The following ITGA11 variants were observed in gnomAD, a reference collection of about 807,000 sequenced individuals.
The protein encoded by ITGA11 is integrin alpha-11.
Under a neutral mutation model 141.9 loss-of-function variants are expected in ITGA11, and 97 were observed. The observed-to-expected ratio is 0.68, with a 90% confidence interval of 0.58 to 0.81. The LOEUF (loss-of-function observed/expected upper bound fraction) is 0.81. ITGA11 is among the 30% of genes least tolerant of loss of function. ITGA11 has a pLI of 0.00. For synonymous variants in ITGA11, 658 were observed against 624.6 expected (o/e 1.05, Z -0.80); for missense variants, 1,387 against 1,559.2 (o/e 0.89, Z 1.86).
chr15:68,403,032 G>A lies in ITGA11; in HGVS notation c.53-3C>T, dbSNP rs1162951804. ...CATGTTGAAGGTGTCCGTGAACCCT[G>A]AGGCAGGGGGAGAGGAGAGGAGAAG... On this transcript the variant is annotated splice_polypyrimidine_tract_variant and splice_region_variant and intron_variant, in intron 1 of 29. Coordinates refer to ENST00000315757, the MANE Select transcript of ITGA11 (RefSeq NM_001004439.2). 4 of 1,599,568 alleles carry A rather than the reference G, an allele frequency of 2.5e-6. No homozygotes were observed. The East Asian group carries it at 8.9e-5, about 36-fold the overall frequency.
intron 2 of ITGA11, among the ~76,000 whole-genome samples, chr15:68,385,204 G>A (rs1258655915): frequency 6.6e-6 from 1 of 152,260 alleles, no homozygotes; most frequent in Non-Finnish European, 1.5e-5. Context: ...AGCCAAGCTG[G>A]GAAGGGAGCT....
At position 68,305,256 on chromosome 15, in the gene ITGA11, C is replaced by T. The variant is rs1400776378; in HGVS notation, c.3382-1371G>A. Among the ~76,000 whole-genome samples, 1 of 152,232 alleles carries T rather than the reference C, an allele frequency of 6.6e-6. No homozygotes were observed. Among genetic ancestry groups the T allele is most frequent in the Non-Finnish European group, 1.5e-5 (1 of 68,042 alleles). On this transcript the variant is annotated intron_variant, in intron 28 of 29. Coordinates refer to ENST00000315757, the MANE Select transcript of ITGA11 (RefSeq NM_001004439.2). The surrounding 1 kb of genome is among the most constrained non-coding windows in gnomAD (Gnocchi z 4.6). Reference sequence around the variant, plus strand: ...CGCAGCCACGAGACACTCCTGTCTTCCTCATGGTCTCTGTCTGATGTCACT... The same window carrying T: ...CGCAGCCACGAGACACTCCTGTCTTTCTCATGGTCTCTGTCTGATGTCACT...
Position 68,312,802 on chromosome 15 carries a change from T to A in ITGA11, c.2944A>T (p.Ile982Phe). The A allele has an allele frequency of 6.2e-7, 1 of 1,613,682 alleles. No individual in the cohort carries two copies. Among genetic ancestry groups the A allele is most frequent in the Non-Finnish European group, 8.5e-7 (1 of 1,179,678 alleles). ...PNSSLERYDG[I>F]GPPFSCIFRI... Reference sequence around the variant, plus strand: ...AAGATGCAGCTGAAGGGAGGCCCGATACCATCGTATCTCTCCAGCGAGCTG... The same window carrying A: ...AAGATGCAGCTGAAGGGAGGCCCGAAACCATCGTATCTCTCCAGCGAGCTG... Residue 982 changes from isoleucine (I) to phenylalanine (F), a missense_variant, in exon 24 of 30, where the codon ATC becomes TTC. Physicochemically the swap from Ile to Phe is conservative, Grantham distance 21. Coordinates refer to ENST00000315757, the MANE Select transcript of ITGA11 (RefSeq NM_001004439.2).
In ITGA11 at chr15:68,322,857, CAAAAAAAA is replaced by C. The variant is rs35071996; in HGVS notation, c.2323-1362_2323-1355del. 2.2e-5 allele frequency among the ~76,000 whole-genome samples: 3 copies of C among 134,638 alleles called. No homozygotes were observed. Among genetic ancestry groups the C allele is most frequent in the Admixed American group, 1.4e-4 (2 of 13,826 alleles). The allele number at this position is 134,638 out of a possible 152,430, so 88.3% of individuals were successfully genotyped here. A position where few individuals can be genotyped will look rare whatever the true frequency, so the allele number is the denominator to read the frequency against. On this transcript the variant is annotated intron_variant, in intron 18 of 29. Coordinates refer to ENST00000315757, the MANE Select transcript of ITGA11 (RefSeq NM_001004439.2). The surrounding 1 kb of genome is among the most constrained non-coding windows in gnomAD (Gnocchi z 5.6). ...TGGGTGACAGAGGGAGATACCATTTCAAAAAAAAAAAAAAAGAAAGTAGGGGTTAAGTG... is the reference window on the plus strand; with the variant it reads ...TGGGTGACAGAGGGAGATACCATTTCAAAAAAAGAAAGTAGGGGTTAAGTG...
chr15:68,326,592 T>A lies in ITGA11; in HGVS notation c.2211+62A>T. The A allele has an allele frequency of 1.3e-6, 2 of 1,503,336 alleles. No individual in the cohort carries two copies. The highest frequency in any genetic ancestry group is 1.8e-6 in the Non-Finnish European group (2 of 1,117,498). The allele number at this position is 1,503,336 out of a possible 1,614,324, so 93.1% of individuals were successfully genotyped here. Reference sequence around the variant, plus strand: ...ACCAGCCAGGCAGACTCTCTGCCTCTCCCACGGCAGATGCTCCTTCCTATA... The same window carrying A: ...ACCAGCCAGGCAGACTCTCTGCCTCACCCACGGCAGATGCTCCTTCCTATA... On this transcript the variant is annotated intron_variant, in intron 17 of 29. Transcript: ENST00000315757. This position sits in a 1 kb window ranked among gnomAD's most constrained non-coding sequence, Gnocchi z 6.8.
Position 68,320,402 on chromosome 15 carries a change from A to G in ITGA11, c.2409-10T>C. On this transcript the variant is annotated splice_polypyrimidine_tract_variant and intron_variant, in intron 19 of 29. Coordinates refer to ENST00000315757, the MANE Select transcript of ITGA11 (RefSeq NM_001004439.2). Reference sequence around the variant, plus strand: ...CCTCTGGCAGTACTCCCTGAGAACAAGAGACCACCAGAGACTGGGCAGATG... The same window carrying G: ...CCTCTGGCAGTACTCCCTGAGAACAGGAGACCACCAGAGACTGGGCAGATG... 8 of 1,564,216 alleles carry G rather than the reference A, an allele frequency of 5.1e-6. No homozygotes were observed. The highest frequency in any genetic ancestry group is 1.2e-5 in the South Asian group (1 of 85,508).
chr15:68,331,030 C>T lies in ITGA11; in HGVS notation c.1852G>A (p.Gly618Arg), dbSNP rs774043619. ...GCTCCCACTGCCAGGTCGATGAGCC[C>T]ATCCTCATTGAGGTCCAATTGCCCG... ...IHGQLDLNED[G>R]LIDLAVGALG... is the part of the protein sequence containing the mutation. The change falls in exon 15 of 30, where the codon GGG (glycine) becomes AGG (arginine). Residue 618 changes from glycine to arginine, a missense_variant. Physicochemically the swap from Gly to Arg is moderately radical, Grantham distance 125. Transcript: ENST00000315757. 2 of 1,613,464 alleles carry T rather than the reference C, an allele frequency of 1.2e-6. No homozygotes were observed. The highest frequency in any genetic ancestry group is 1.7e-6 in the Non-Finnish European group (2 of 1,179,708).
At chr15:68,337,344 G>A (rs1458173925) in intron 11 of ITGA11, among the ~76,000 whole-genome samples, 1 of 152,144 alleles carries the variant, frequency 6.6e-6, no homozygotes, top group Non-Finnish European at 1.5e-5. Flanking sequence ...CCTGATGAAA[G>A]GGTAGGACCA....
At chr15:68,425,570 A>G (rs1897122777) in intron 1 of ITGA11, among the ~76,000 whole-genome samples, 1 of 152,188 alleles carries the variant, frequency 6.6e-6, no homozygotes. Flanking sequence ...GAGGTGGGGC[A>G]AGGGCTTCAG....
At chr15:68,344,046 C>T (rs1595868971) in intron 10 of ITGA11, among the ~76,000 whole-genome samples, 1 of 152,248 alleles carries the variant, frequency 6.6e-6, no homozygotes, top group South Asian at 2.1e-4. Flanking sequence ...CTGTCAGAGG[C>T]CCTGGGAAAG....
At position 68,307,319 on chromosome 15, in the gene ITGA11, C is replaced by T. The variant is rs1351308281; in HGVS notation, c.3381+29G>A. 6.6e-7 allele frequency: 1 copy of T among 1,506,506 alleles called. No homozygotes were observed. The allele number at this position is 1,506,506 out of a possible 1,614,324, so 93.3% of individuals were successfully genotyped here. A position where few individuals can be genotyped will look rare whatever the true frequency, so the allele number is the denominator to read the frequency against. On this transcript the variant is annotated intron_variant, in intron 28 of 29. Transcript: ENST00000315757. The surrounding 1 kb of genome is among the most constrained non-coding windows in gnomAD (Gnocchi z 6.1). ...CTTTCCCAAGCTGTCCGGCCTAAGC[C>T]CAGTTCTGCAGGGCTCCCAGGGGCT...
intron 11 of ITGA11, among the ~76,000 whole-genome samples, chr15:68,337,705 C>T (rs1397168709): frequency 6.6e-6 from 1 of 150,840 alleles, no homozygotes; most frequent in East Asian, 2.0e-4. Flanking sequence ...TGAGCTCTCA[C>T]TCAGATATGT....
At chr15:68,398,023 C>G (rs1268646282) in intron 2 of ITGA11, among the ~76,000 whole-genome samples, 2 of 150,778 alleles carry the variant, frequency 1.3e-5, no homozygotes, top group Non-Finnish European at 3.0e-5. Flanking sequence ...TGGAAAGGAA[C>G]AACCGGTACC....
intron 20 of ITGA11, among the ~76,000 whole-genome samples, chr15:68,317,865 C>T (rs111767752): frequency 1.3e-5 from 2 of 152,034 alleles, no homozygotes; most frequent in Non-Finnish European, 2.9e-5. Context: ...ATGCATGCAC[C>T]CGTGTGGATG....
intron 1 of ITGA11, among the ~76,000 whole-genome samples, chr15:68,421,786 G>A (rs34726895): frequency 1.3e-5 from 2 of 152,162 alleles, no homozygotes; most frequent in African/African-American, 4.8e-5. Context: ...ACATTATGTA[G>A]CCCAGAAATA....
chr15:68,334,313 T>C (rs905037226), intron 12 of ITGA11, among the ~76,000 whole-genome samples: 4 of 152,200 alleles, frequency 2.6e-5, no homozygotes, highest in African/African-American at 9.7e-5. Context: ...GTGAGCCCCA[T>C]GCTGCTAGGA....
chr15:68,396,516 TAAGAA>T (rs1218344870), intron 2 of ITGA11, among the ~76,000 whole-genome samples: 1 of 151,886 alleles, frequency 6.6e-6, no homozygotes, highest in Non-Finnish European at 1.5e-5. Context: ...ATAGCAGAAA[TAAGAA>T]AAGAATGTTC....
intron 10 of ITGA11, among the ~76,000 whole-genome samples, 193 bp from the exon 11 acceptor site, chr15:68,339,837 A>C (rs576080150): frequency 6.6e-6 from 1 of 152,158 alleles, no homozygotes; most frequent in Non-Finnish European, 1.5e-5. Context: ...TTCTTGCCCC[A>C]TTCCATCCTT....
At chr15:68,316,841 C>A (rs1383774971) in intron 21 of ITGA11, among the ~76,000 whole-genome samples, 1 of 152,268 alleles carries the variant, frequency 6.6e-6, no homozygotes, top group Non-Finnish European at 1.5e-5. Context: ...TTGCTTCTCC[C>A]TTCACATACC....
Sources: gnomAD v4.1 joint callset for allele counts (sites outside exome capture counted in the v4.1 genomes callset) on GRCh38, gnomAD v4.1.1 for gene constraint, Gnocchi (gnomAD v3.1) non-coding constraint, MANE v1.5 for transcripts, NCBI Gene and HGNC (gene_info 2026-07-23, HGNC 2026-07-21) for gene names.